PELI2: variants seen among roughly 807,000 people sequenced by gnomAD.
PELI2 encodes the protein E3 ubiquitin-protein ligase pellino homolog 2.
Under a neutral mutation model 42.3 loss-of-function variants are expected in PELI2, and 23 were observed. The observed-to-expected ratio is 0.54, with a 90% confidence interval of 0.39 to 0.77. The LOEUF (loss-of-function observed/expected upper bound fraction) is 0.77, where lower values mean the gene tolerates loss of function less well. Among genes scored for constraint, PELI2 ranks in the 30% least tolerant of loss-of-function variants. The pLI is 0.00. For synonymous variants in PELI2, 245 were observed against 212.2 expected (o/e 1.15, Z -1.34); for missense variants, 463 against 553.2 (o/e 0.84, Z 1.64).
chr14:56,122,931 T>G (rs968019261), intron 1 of PELI2, among the ~76,000 whole-genome samples: 1 of 152,232 alleles, frequency 6.6e-6, no homozygotes, highest in African/African-American at 2.4e-5. Context: ...TTAAAAACAT[T>G]AGTCTGAGAA....
At chr14:56,120,507 A>G (rs1334301367) in intron 1 of PELI2, among the ~76,000 whole-genome samples, 5 of 152,208 alleles carry the variant, frequency 3.3e-5, no homozygotes, top group Non-Finnish European at 5.9e-5. Context: ...AGCCCGGGAT[A>G]TAACGTTGCA....
intron 2 of PELI2, among the ~76,000 whole-genome samples, chr14:56,253,050 T>C (rs879153499): frequency 6.6e-6 from 1 of 152,140 alleles, no homozygotes; most frequent in African/African-American, 2.4e-5. Flanking sequence ...GTTCAACATA[T>C]GCAAATCAAT....
intron 2 of PELI2, among the ~76,000 whole-genome samples, chr14:56,216,335 T>C (rs1418544218): frequency 6.6e-6 from 1 of 152,264 alleles, no homozygotes; most frequent in Non-Finnish European, 1.5e-5. Flanking sequence ...AGTCGTGAAG[T>C]TACACTGTGT....
chr14:56,266,625 A>G (rs370922876), intron 2 of PELI2, among the ~76,000 whole-genome samples: 21 of 152,166 alleles, frequency 1.4e-4, no homozygotes, highest in South Asian at 8.3e-4. Flanking sequence ...ATACTCTCAT[A>G]TACTTCTGGT....
Position 56,219,562 on chromosome 14 carries a change from A to C in PELI2, c.207+41098A>C, listed in dbSNP as rs1261559450. ...TACAAACAGTAGGCATCCACAAGGA[A>C]GTCAAAGAAAGGGTCTCTGAGCTGC... On this transcript the variant is annotated intron_variant, in intron 2 of 5. Coordinates refer to ENST00000267460, the MANE Select transcript of PELI2 (RefSeq NM_021255.3). The surrounding 1 kb of genome is among the most constrained non-coding windows in gnomAD (Gnocchi z 4.1). 6.6e-6 allele frequency among the ~76,000 whole-genome samples: 1 copy of C among 152,170 alleles called. No individual in the cohort carries two copies. Among genetic ancestry groups the C allele is most frequent in the Non-Finnish European group, 1.5e-5 (1 of 68,020 alleles).
At chr14:56,142,498 G>T (rs1883949402) in intron 1 of PELI2, among the ~76,000 whole-genome samples, 1 of 152,178 alleles carries the variant, frequency 6.6e-6, no homozygotes, top group Non-Finnish European at 1.5e-5. Flanking sequence ...TATTGTGGGG[G>T]CTTAGTAGAA....
chr14:56,297,125 CA>C lies in PELI2; in HGVS notation c.1226del (p.Asn409ThrfsTer5). 1 of 1,603,774 alleles carries C rather than the reference CA, an allele frequency of 6.2e-7. No individual in the cohort carries two copies. Among genetic ancestry groups the C allele is most frequent in the Non-Finnish European group, 8.5e-7 (1 of 1,179,820 alleles). ...PFCATQLVGE[Q>X]NCIKLIFQGP... ...CTGTGCTACACAGCTGGTTGGGGAG[CA>C]AAACTGCATCAAATTAATTTTCCAA... On this transcript the variant is annotated frameshift_variant, in exon 6 of 6. Coordinates refer to ENST00000267460, the MANE Select transcript of PELI2 (RefSeq NM_021255.3). LOFTEE classifies it high-confidence loss of function.
At chr14:56,249,976 G>T (rs1003056383) in intron 2 of PELI2, among the ~76,000 whole-genome samples, 2 of 152,168 alleles carry the variant, frequency 1.3e-5, no homozygotes, top group Non-Finnish European at 2.9e-5. Context: ...TTCACACAGG[G>T]AGCAAGATCA....
chr14:56,162,000 T>G (rs1258391861), intron 1 of PELI2, among the ~76,000 whole-genome samples: 1 of 152,174 alleles, frequency 6.6e-6, no homozygotes, highest in Non-Finnish European at 1.5e-5. Context: ...TTTTGGTGGG[T>G]GCACAGTAGG....
At chr14:56,294,744 A>G (rs1296958693) in intron 5 of PELI2, among the ~76,000 whole-genome samples, 2 of 152,242 alleles carry the variant, frequency 1.3e-5, no homozygotes, top group Non-Finnish European at 2.9e-5. Context: ...GCTGCATCAC[A>G]CGTGCCTTGT....
At chr14:56,290,775 T>G (rs564235500) in intron 5 of PELI2, among the ~76,000 whole-genome samples, 1 of 152,348 alleles carries the variant, frequency 6.6e-6, no homozygotes, top group Non-Finnish European at 1.5e-5. Context: ...TTATTTTTAG[T>G]GTAAAACTTT....
intron 1 of PELI2, among the ~76,000 whole-genome samples, chr14:56,159,810 C>T (rs992670751): frequency 5.3e-5 from 8 of 152,112 alleles, no homozygotes; most frequent in African/African-American, 1.9e-4. Flanking sequence ...CAGTACTTTG[C>T]CCACCTTCAA....
chr14:56,174,062 C>G (rs1885278496), intron 1 of PELI2, among the ~76,000 whole-genome samples: 1 of 152,152 alleles, frequency 6.6e-6, no homozygotes, highest in Non-Finnish European at 1.5e-5. Flanking sequence ...CTATCATGCC[C>G]AGCTAATTTT....
chr14:56,121,876 A>T (rs1883074510), intron 1 of PELI2, among the ~76,000 whole-genome samples: 1 of 152,246 alleles, frequency 6.6e-6, no homozygotes, highest in African/African-American at 2.4e-5. Flanking sequence ...GTTCCCTGAC[A>T]GTTGTTTTAA....
At chr14:56,231,185 A>G (rs1887553980) in intron 2 of PELI2, among the ~76,000 whole-genome samples, 1 of 152,242 alleles carries the variant, frequency 6.6e-6, no homozygotes, top group Admixed American at 6.5e-5. Flanking sequence ...CACTGTCAAC[A>G]TTAGACAGAT....
At chr14:56,159,687 G>T (rs953862843) in intron 1 of PELI2, among the ~76,000 whole-genome samples, 1 of 151,980 alleles carries the variant, frequency 6.6e-6, no homozygotes, top group African/African-American at 2.4e-5. Context: ...TTGACATAAA[G>T]AACTAATGTT....
At chr14:56,236,517 G>T (rs925688664) in intron 2 of PELI2, among the ~76,000 whole-genome samples, 1 of 152,204 alleles carries the variant, frequency 6.6e-6, no homozygotes, top group African/African-American at 2.4e-5. Flanking sequence ...GATAAATTCA[G>T]TAGCTAAAGC....
chr14:56,283,984 C>T (rs953494186), intron 3 of PELI2, among the ~76,000 whole-genome samples: 4 of 152,142 alleles, frequency 2.6e-5, no homozygotes, highest in Non-Finnish European at 2.9e-5. Context: ...GCAAAAAGCG[C>T]GACAGCACTC....
In PELI2 at chr14:56,178,447, A is replaced by G. The variant is rs761075258; in HGVS notation, c.190A>G (p.Thr64Ala). ...VKPSTVHVIS[T>A]PQASKAISCK... ...ACCCAGCACCGTCCATGTGATATCC[A>G]CGCCCCAGGCATCCAAGGTAGGTGG... Residue 64 changes from threonine to alanine, a missense_variant, in exon 2 of 6, where the codon ACG (threonine) becomes GCG (alanine). Thr to Ala is a moderately conservative substitution (Grantham distance 58). Transcript: ENST00000267460. The G allele has an allele frequency of 6.2e-7, 1 of 1,614,160 alleles. No homozygotes were observed. The highest frequency in any genetic ancestry group is 2.2e-5 in the East Asian group (1 of 44,876).
Sources: allele counts gnomAD v4.1 joint callset (sites outside exome capture counted in the v4.1 genomes callset), GRCh38; gene constraint gnomAD v4.1.1; non-coding constraint Gnocchi (gnomAD v3.1); transcripts MANE v1.5; gene names NCBI Gene and HGNC (gene_info 2026-07-23, HGNC 2026-07-21).